USP43: variants seen among roughly 807,000 people sequenced by gnomAD.
The protein encoded by USP43 is ubiquitin carboxyl-terminal hydrolase 43.
A neutral mutation model predicts 90.7 loss-of-function variants in USP43; 33 were observed. That is an observed-to-expected ratio of 0.36 (90% CI 0.28 to 0.49). USP43 has a LOEUF of 0.49. Among genes scored for constraint, USP43 ranks in the 20% least tolerant of loss-of-function variants. USP43 has a pLI of 0.98. For synonymous variants in USP43, 598 were observed against 615.8 expected (o/e 0.97, Z 0.43); for missense variants, 1,274 against 1,476.4 (o/e 0.86, Z 2.25).
intron 6 of USP43, among the ~76,000 whole-genome samples, chr17:9,681,491 T>TTTG (rs1375551179): frequency 1.5e-5 from 1 of 68,014 alleles, no homozygotes; most frequent in African/African-American, 5.2e-5. Context: ...TATATATATA[T>TTTG]ATATATATAT....
chr17:9,682,696 C>T, intron 6 of USP43, 127 bp from the exon 7 acceptor site: 1 of 1,263,500 alleles, frequency 7.9e-7, no homozygotes, highest in Non-Finnish European at 1.1e-6. Context: ...CCCTAAAGCC[C>T]TCTAGTGGCC....
At chr17:9,664,245 G>A (rs1912847890) in intron 2 of USP43, among the ~76,000 whole-genome samples, 1 of 152,070 alleles carries the variant, frequency 6.6e-6, no homozygotes, top group Non-Finnish European at 1.5e-5. Flanking sequence ...TACTAAATTT[G>A]CTTTATCACG....
chr17:9,706,895 G>A (rs1348070494), intron 12 of USP43, among the ~76,000 whole-genome samples: 4 of 151,656 alleles, frequency 2.6e-5, no homozygotes, highest in East Asian at 1.9e-4. Flanking sequence ...TGCCCGCCTC[G>A]GCCTCCCAAA....
chr17:9,702,209 A>G (rs964926158), intron 12 of USP43, among the ~76,000 whole-genome samples: 2 of 137,288 alleles, frequency 1.5e-5, no homozygotes, highest in African/African-American at 6.3e-5. Context: ...AAAAAAAATG[A>G]AAAAAAAAAA....
At position 9,717,160 on chromosome 17, in the gene USP43, A is replaced by G. The variant is rs1041947786; in HGVS notation, c.2335+5028A>G. On this transcript the variant is annotated intron_variant, in intron 14 of 14. Transcript: ENST00000285199. Reference sequence around the variant, plus strand: ...GGCAACAGAGCGAGACTCCCTCTCAAAAAAAAAAAAAAAAAAAGTCCTTAC... The same window carrying G: ...GGCAACAGAGCGAGACTCCCTCTCAGAAAAAAAAAAAAAAAAAGTCCTTAC... Among the ~76,000 whole-genome samples the G allele has an allele frequency of 5.2e-4, 55 of 105,722 alleles. 1 individual carries two copies. Among genetic ancestry groups the G allele is most frequent in the Admixed American group, 3.7e-3 (42 of 11,492 alleles). The allele number at this position is 105,722 out of a possible 152,430, so 69.4% of individuals were successfully genotyped here. A position where few individuals can be genotyped will look rare whatever the true frequency, so the allele number is the denominator to read the frequency against.
At position 9,688,437 on chromosome 17, in the gene USP43, G is replaced by A. The variant is rs1177988781; in HGVS notation, c.1353+1528G>A. Among the ~76,000 whole-genome samples the A allele has an allele frequency of 3.4e-5, 5 of 148,620 alleles. No homozygotes were observed. The East Asian group carries it at 6.0e-4, about 18-fold the overall frequency. On this transcript the variant is annotated intron_variant, in intron 8 of 14. Transcript: ENST00000285199. The stretch of plus-strand genomic sequence containing the variant: ...GTGATCTCGGCTTACTGCAACCTCC[G>A]CCTCCCAGGTTCAAGCGATTCTCCT...
At chr17:9,678,570 G>C (rs1269386893) in intron 5 of USP43, among the ~76,000 whole-genome samples, 2 of 152,014 alleles carry the variant, frequency 1.3e-5, no homozygotes, top group South Asian at 4.2e-4. Context: ...TCGATCTCTT[G>C]ACCTTGTGAT....
At chr17:9,679,610 C>T (rs1212442246) in intron 5 of USP43, among the ~76,000 whole-genome samples, 1 of 149,996 alleles carries the variant, frequency 6.7e-6, no homozygotes, top group Non-Finnish European at 1.5e-5. Flanking sequence ...ACTGCAAGCT[C>T]CGCCTCCCGG....
At chr17:9,720,712 T>C (rs1293476062) in intron 14 of USP43, among the ~76,000 whole-genome samples, 1 of 152,158 alleles carries the variant, frequency 6.6e-6, no homozygotes, top group African/African-American at 2.4e-5. Flanking sequence ...GGTCTTGAAC[T>C]CCCGACCTCA....
At chr17:9,721,622 G>A (rs1042383227) in intron 14 of USP43, among the ~76,000 whole-genome samples, 9 of 151,860 alleles carry the variant, frequency 5.9e-5, no homozygotes. Flanking sequence ...TAAATTAGGT[G>A]AGTTCATTGG....
At chr17:9,681,506 A>ATATATT (rs1914287544) in intron 6 of USP43, among the ~76,000 whole-genome samples, 2 of 101,018 alleles carry the variant, frequency 2.0e-5, no homozygotes, top group Non-Finnish European at 3.9e-5. Context: ...ATATATATAT[A>ATATATT]TATTTGAGAT....
At chr17:9,647,772 A>T (rs1032630045) in intron 1 of USP43, 1 of 147,818 alleles carries the variant, frequency 6.8e-6, no homozygotes, top group African/African-American at 2.5e-5. Flanking sequence ...TGGGAGGCCG[A>T]GGCGGGTGGA....
At chr17:9,652,213 A>G (rs1941089365) in intron 1 of USP43, among the ~76,000 whole-genome samples, 2 of 126,008 alleles carry the variant, frequency 1.6e-5, no homozygotes, top group Non-Finnish European at 3.3e-5. Context: ...CCCTTAGCGC[A>G]AAAAAAAAAA....
chr17:9,716,347 A>G (rs1916572963), intron 14 of USP43, among the ~76,000 whole-genome samples: 3 of 152,190 alleles, frequency 2.0e-5, no homozygotes, highest in African/African-American at 7.2e-5. Flanking sequence ...CTTAAAGTAT[A>G]TTAAGTATAC....
Position 9,674,798 on chromosome 17 carries a change from G to C in USP43, c.741-93G>C. Reference sequence around the variant, plus strand: ...TATGTACCTACGAGTGGAATCACAGGGAGTGGAAATGCAAGGATAATTCTG... The same window carrying C: ...TATGTACCTACGAGTGGAATCACAGCGAGTGGAAATGCAAGGATAATTCTG... On this transcript the variant is annotated intron_variant, in intron 3 of 14. Coordinates refer to ENST00000285199, the MANE Select transcript of USP43 (RefSeq NM_153210.5). This position sits in a 1 kb window ranked among gnomAD's most constrained non-coding sequence, Gnocchi z 4.4. 9.9e-7 allele frequency: 1 copy of C among 1,014,616 alleles called. No individual in the cohort carries two copies. The highest frequency in any genetic ancestry group is 1.6e-6 in the Non-Finnish European group (1 of 645,158). 62.9% of individuals were successfully genotyped at this position (1,014,616 alleles called of 1,614,324 possible). A position where few individuals can be genotyped will look rare whatever the true frequency, so the allele number is the denominator to read the frequency against.
rs574591493 is a variant in USP43 at position 9,662,244 on chromosome 17, CAG to C, written c.637-4403_637-4402del. ...ATGGACTGGATTCAGGGTTCCAAAA[CAG>C]GGGTTGCTACTACCAAAGGAGGAGG... On this transcript the variant is annotated intron_variant, in intron 2 of 14. Coordinates refer to ENST00000285199, the MANE Select transcript of USP43 (RefSeq NM_153210.5). 3.9e-4 allele frequency among the ~76,000 whole-genome samples: 59 copies of C among 152,212 alleles called. 1 individual carries two copies. The East Asian group carries it at 0.011, about 28-fold the overall frequency.
chr17:9,645,831 C>T lies in USP43; in HGVS notation c.199C>T (p.Pro67Ser). The T allele has an allele frequency of 2.1e-6, 3 of 1,400,318 alleles. No individual in the cohort carries two copies. Among genetic ancestry groups the T allele is most frequent in the Non-Finnish European group, 2.8e-6 (3 of 1,083,506 alleles). 86.7% of individuals were successfully genotyped at this position (1,400,318 alleles called of 1,614,324 possible). Residue 67 changes from proline to serine, a missense_variant, in exon 1 of 15, where the codon CCA (proline) becomes TCA (serine). By Grantham distance (74) the Pro-to-Ser change is moderately conservative (BLOSUM62 -1). Around this residue, in one of 6 missense-constraint regions of USP43, gnomAD observed 259 missense variants for 373.7 expected, o/e 0.69. Transcript: ENST00000285199. This position sits in a 1 kb window ranked among gnomAD's most constrained non-coding sequence, Gnocchi z 6.8. The stretch of plus-strand genomic sequence containing the variant: ...GGGGGGCTTCGCCTGCGCCCCGGGC[C>T]CAGTTCCAGCGGCCCCCGGGAGCCC... ...GEGGFACAPG[P>S]VPAAPGSPGE...
chr17:9,669,139 C>T (rs767775282), intron 3 of USP43, among the ~76,000 whole-genome samples: 2 of 152,108 alleles, frequency 1.3e-5, no homozygotes, highest in African/African-American at 4.8e-5. Flanking sequence ...CCACCACGCC[C>T]GGCCGGGCAT....
chr17:9,660,045 C>T (rs936115464), intron 2 of USP43, among the ~76,000 whole-genome samples: 1 of 152,178 alleles, frequency 6.6e-6, no homozygotes, highest in Non-Finnish European at 1.5e-5. Context: ...ATTCCCCTAA[C>T]CCAGTTGAGA....
Sources: gnomAD v4.1 joint callset for allele counts (sites outside exome capture counted in the v4.1 genomes callset) on GRCh38, gnomAD v4.1.1 for gene constraint, gnomAD v4.1.1 regional missense constraint, Gnocchi (gnomAD v3.1) non-coding constraint, MANE v1.5 for transcripts, NCBI Gene and HGNC (gene_info 2026-07-23, HGNC 2026-07-21) for gene names.